The following PREX2 variants were observed in gnomAD, a reference collection of about 807,000 sequenced individuals.
The protein encoded by PREX2 is phosphatidylinositol 3,4,5-trisphosphate-dependent Rac exchanger 2 protein.
In PREX2, 107 loss-of-function variants were observed where a neutral mutation model predicts 203.2. The observed-to-expected ratio is 0.53, with a 90% confidence interval of 0.45 to 0.62. The LOEUF (loss-of-function observed/expected upper bound fraction) is 0.62. Ranked by LOEUF, PREX2 falls within the 20% of genes least tolerant of loss-of-function variation. The probability of loss-of-function intolerance (pLI) is 0.00; values close to 1 mark genes in which losing one functional copy is unlikely to be tolerated. For synonymous variants in PREX2, 672 were observed against 663.6 expected (o/e 1.01, Z -0.19); for missense variants, 1,777 against 1,955.9 (o/e 0.91, Z 1.72).
intron 16 of PREX2, 76 bp from the exon 17 acceptor site, chr8:68,080,670 A>G (rs1003506004): frequency 1.4e-6 from 2 of 1,434,572 alleles, no homozygotes; most frequent in African/African-American, 2.9e-5. Flanking sequence ...ACGGTGATGC[A>G]CATTACTTCG....
chr8:68,146,437 G>A, intron 34 of PREX2, 85 bp downstream of exon 34: 1 of 1,202,598 alleles, frequency 8.3e-7, no homozygotes, highest in African/African-American at 1.6e-5. Flanking sequence ...TTAACAGTTG[G>A]GATTTTTAAA....
At position 68,080,529 on chromosome 8, in the gene PREX2, C is replaced by A. The variant is rs769067107; in HGVS notation, c.1729C>A (p.Arg577=). 21 of 1,609,998 alleles carry A rather than the reference C, an allele frequency of 1.3e-5. No individual in the cohort carries two copies. Among genetic ancestry groups the A allele is most frequent in the Admixed American group, 6.7e-5 (4 of 59,850 alleles). Residue 577 remains arginine (R), a synonymous_variant, in exon 16 of 40, where the codon CGA becomes AGA. Coordinates refer to ENST00000288368, the MANE Select transcript of PREX2 (RefSeq NM_024870.4). ...EEMEGSNMKH[R]LMKHDLKVVE... ...AATGGAGGGATCAAATATGAAACAT[C>A]GACTTATGAAACATGACTTAAAAGT...
At chr8:68,210,449 C>A (rs1327699763) in intron 37 of PREX2, among the ~76,000 whole-genome samples, 1 of 152,104 alleles carries the variant, frequency 6.6e-6, no homozygotes, top group Non-Finnish European at 1.5e-5. Context: ...GGCTACCAAG[C>A]AAAATATCAG....
In PREX2 at chr8:68,054,666, C is replaced by A. The variant is rs1026483434; in HGVS notation, c.1094-1164C>A. ...TGTTTTTCTCTAACTAGATTCCTTG[C>A]CTGGGTTATCTATTCCATCAGATTA... is the stretch of plus-strand genomic sequence containing the variant. On this transcript the variant is annotated intron_variant, in intron 9 of 39. Transcript: ENST00000288368. 6.6e-4 allele frequency among the ~76,000 whole-genome samples: 100 copies of A among 152,174 alleles called. 8 individuals carry two copies. The highest frequency in any genetic ancestry group is 2.9e-5 in the Non-Finnish European group (2 of 68,040).
chr8:68,170,795 A>G (rs1811861211), intron 35 of PREX2, among the ~76,000 whole-genome samples: 1 of 152,022 alleles, frequency 6.6e-6, no homozygotes, highest in Non-Finnish European at 1.5e-5. Flanking sequence ...CTCTCTGGCC[A>G]TGAGCTATCA....
At position 68,119,487 on chromosome 8, in the gene PREX2, T is replaced by A; in HGVS notation, c.3477T>A (p.His1159Gln). The A allele has an allele frequency of 6.2e-7, 1 of 1,613,788 alleles. No individual in the cohort carries two copies. Residue 1159 changes from histidine to glutamine, a missense_variant, in exon 28 of 40, where the codon CAT becomes CAA. By Grantham distance (24) the His-to-Gln change is conservative. Transcript: ENST00000288368. Reference protein sequence around the residue: ...RISHDKQDKIHSCLEHLFSQV... With the variant: ...RISHDKQDKIQSCLEHLFSQV... ...CTCATGATAAACAGGACAAGATACA[T>A]AGTTGCCTTGAGCATCTTTTCAGCC...
chr8:68,202,935 C>T (rs1812535842), intron 37 of PREX2, among the ~76,000 whole-genome samples: 1 of 152,148 alleles, frequency 6.6e-6, no homozygotes, highest in Non-Finnish European at 1.5e-5. Flanking sequence ...CGGTCACACT[C>T]CTTGGAGATA....
intron 8 of PREX2, among the ~76,000 whole-genome samples, chr8:68,052,090 G>GA (rs928173272): frequency 9.2e-5 from 14 of 151,876 alleles, no homozygotes; most frequent in African/African-American, 3.4e-4. Flanking sequence ...GATCATCTGA[G>GA]AAAAAAAAGA....
intron 28 of PREX2, 28 bp from the exon 29 acceptor site, chr8:68,120,168 G>A (rs763239607): frequency 1.4e-6 from 2 of 1,423,832 alleles, no homozygotes; most frequent in African/African-American, 1.4e-5. Context: ...TGAGAAATAT[G>A]TAACTCGGAA....
At chr8:68,057,942 T>C (rs944149927) in intron 10 of PREX2, among the ~76,000 whole-genome samples, 7 of 152,196 alleles carry the variant, frequency 4.6e-5, no homozygotes, top group Non-Finnish European at 8.8e-5. Flanking sequence ...CTGTGTCATA[T>C]GGGAATAGTG....
At chr8:68,211,726 A>G (rs1168897491) in intron 37 of PREX2, among the ~76,000 whole-genome samples, 2 of 152,218 alleles carry the variant, frequency 1.3e-5, no homozygotes, top group African/African-American at 2.4e-5. Context: ...AAGACAGAGT[A>G]AAAATGGACA....
At chr8:68,225,705 G>A (rs1204544146) in intron 39 of PREX2, among the ~76,000 whole-genome samples, 1 of 152,174 alleles carries the variant, frequency 6.6e-6, no homozygotes, top group Non-Finnish European at 1.5e-5. Context: ...TATTTTTAGT[G>A]CTGACTCCTA....
At chr8:68,083,160 T>C in intron 17 of PREX2, 80 bp from the exon 18 acceptor site, 1 of 1,053,654 alleles carries the variant, frequency 9.5e-7, no homozygotes, top group Non-Finnish European at 1.3e-6. Flanking sequence ...TCTGAAACTT[T>C]TCATATTCCA....
Position 68,233,465 on chromosome 8 carries a change from A to G in PREX2, c.*2087A>G, listed in dbSNP as rs545769399. On this transcript the variant is annotated 3_prime_UTR_variant, in exon 40 of 40. Transcript: ENST00000288368. ...TTCTTCATAATAGAATGTGCTTCATATTATTTTTAGGGTTAAACATAAGTG... is the reference window on the plus strand; with the variant it reads ...TTCTTCATAATAGAATGTGCTTCATGTTATTTTTAGGGTTAAACATAAGTG... The G allele has an allele frequency of 1.2e-4, 18 of 152,316 alleles. No individual in the cohort carries two copies. The highest frequency in any genetic ancestry group is 4.1e-4 in the African/African-American group (17 of 41,582). The allele number at this position is 152,316 out of a possible 1,614,324, so 9.4% of individuals were successfully genotyped here. A position where few individuals can be genotyped will look rare whatever the true frequency, so the allele number is the denominator to read the frequency against.
chr8:68,155,790 T>C (rs1357519126), intron 34 of PREX2, among the ~76,000 whole-genome samples: 1 of 152,034 alleles, frequency 6.6e-6, no homozygotes, highest in Admixed American at 6.6e-5. Context: ...TTATTTCCTC[T>C]CCAAAATTTT....
rs141470227 is a variant in PREX2 at position 68,047,978 on chromosome 8, C to A, written c.943+3388C>A. Among the ~76,000 whole-genome samples, 380 of 151,870 alleles carry A rather than the reference C, an allele frequency of 2.5e-3. 10 individuals are homozygous for A. The South Asian group carries it at 0.041, about 17-fold the overall frequency. ...GACTTGGTTTATATCATAGTTATAT[C>A]TTAGTATAGAAAGAAATTTAAATGA... On this transcript the variant is annotated intron_variant, in intron 8 of 39. Transcript: ENST00000288368.
At chr8:67,999,738 C>A (rs1286262325) in intron 1 of PREX2, among the ~76,000 whole-genome samples, 3 of 152,114 alleles carry the variant, frequency 2.0e-5, no homozygotes, top group African/African-American at 7.2e-5. Flanking sequence ...AAACTGAATC[C>A]AGCAGTACAT....
intron 37 of PREX2, among the ~76,000 whole-genome samples, chr8:68,214,532 T>C (rs1812798198): frequency 6.6e-6 from 1 of 152,210 alleles, no homozygotes; most frequent in Non-Finnish European, 1.5e-5. Context: ...TGAGCTCTCG[T>C]AAACCTGACT....
intron 37 of PREX2, 165 bp downstream of exon 37, chr8:68,192,690 C>T (rs1475628271): frequency 7.4e-6 from 4 of 539,924 alleles, no homozygotes; most frequent in Non-Finnish European, 1.2e-5. Flanking sequence ...CTTGTATTTT[C>T]AGTGACTATT....
Sources: allele counts gnomAD v4.1 joint callset (sites outside exome capture counted in the v4.1 genomes callset), GRCh38; gene constraint gnomAD v4.1.1; transcripts MANE v1.5; gene names NCBI Gene and HGNC (gene_info 2026-07-23, HGNC 2026-07-21).